DACH1: variants seen among roughly 807,000 people sequenced by gnomAD.
DACH1 encodes the protein dachshund family transcription factor 1, also known as dachshund homolog 1.
DACH1 carries 12 observed loss-of-function variants against 54.2 expected under a neutral mutation model. The observed-to-expected ratio is 0.22, with a 90% CI of 0.14 to 0.36. The LOEUF (loss-of-function observed/expected upper bound fraction) is 0.36. DACH1 is among the 10% of genes least tolerant of loss of function. The probability of loss-of-function intolerance (pLI) is 1.00; values close to 1 mark genes in which losing one functional copy is unlikely to be tolerated. For missense variants in DACH1, 805 were observed against 929.8 expected (o/e 0.87, Z 1.75); for synonymous variants, 386 against 366.2 (o/e 1.05, Z -0.62).
chr13:71,739,426 A>G (rs1884289575), intron 1 of DACH1, among the ~76,000 whole-genome samples: 1 of 152,158 alleles, frequency 6.6e-6, no homozygotes, highest in Non-Finnish European at 1.5e-5. Flanking sequence ...AATTGAAATT[A>G]AAGAGATGAA....
intron 3 of DACH1, among the ~76,000 whole-genome samples, chr13:71,575,055 T>TCAAA (rs1382758926): frequency 6.6e-6 from 1 of 152,038 alleles, no homozygotes; most frequent in African/African-American, 2.4e-5. Flanking sequence ...ATTGCCTTTA[T>TCAAA]CAAAGTACAT....
chr13:71,616,658 C>A (rs1875790076), intron 3 of DACH1, among the ~76,000 whole-genome samples: 1 of 151,926 alleles, frequency 6.6e-6, no homozygotes, highest in South Asian at 2.1e-4. Context: ...ATCATGTGAG[C>A]CCAGGGGTTG....
At chr13:71,818,984 T>C (rs980735452) in intron 1 of DACH1, among the ~76,000 whole-genome samples, 3 of 152,128 alleles carry the variant, frequency 2.0e-5, no homozygotes, top group African/African-American at 7.2e-5. Context: ...TGTTATTAAC[T>C]GGAGAGAGTT....
At chr13:71,680,649 C>T (rs905534324) in intron 2 of DACH1, among the ~76,000 whole-genome samples, 4 of 151,666 alleles carry the variant, frequency 2.6e-5, no homozygotes, top group Non-Finnish European at 5.9e-5. Flanking sequence ...TGAGGCCTTG[C>T]TGAAAAAAAT....
chr13:71,520,781 T>C (rs1881541396), intron 6 of DACH1, among the ~76,000 whole-genome samples: 1 of 151,750 alleles, frequency 6.6e-6, no homozygotes, highest in Non-Finnish European at 1.5e-5. Flanking sequence ...ATCCTTGCAT[T>C]GGAGAAAGAA....
At chr13:71,678,592 G>GCCTC (rs917414575) in intron 2 of DACH1, among the ~76,000 whole-genome samples, 7 of 151,640 alleles carry the variant, frequency 4.6e-5, no homozygotes, top group East Asian at 1.9e-4. Context: ...CTCGCTCCCT[G>GCCTC]CCTCCCTCCC....
intron 3 of DACH1, among the ~76,000 whole-genome samples, chr13:71,602,322 A>C (rs181710799): frequency 3.0e-4 from 46 of 152,208 alleles, no homozygotes; most frequent in African/African-American, 1.1e-3. Flanking sequence ...AATAGAAAAC[A>C]TTGTTAGAAG....
At chr13:71,703,783 G>A (rs565278300) in intron 1 of DACH1, among the ~76,000 whole-genome samples, 1 of 152,290 alleles carries the variant, frequency 6.6e-6, no homozygotes, top group African/African-American at 2.4e-5. Context: ...ACCCTTAGGG[G>A]AGGAAAAGAG....
At chr13:71,647,376 T>C (rs868296954) in intron 2 of DACH1, among the ~76,000 whole-genome samples, 2 of 152,198 alleles carry the variant, frequency 1.3e-5, no homozygotes, top group Non-Finnish European at 2.9e-5. Context: ...ATCAATGATG[T>C]CTAGAACCCA....
At chr13:71,481,970 G>T (rs1363294076) in intron 7 of DACH1, among the ~76,000 whole-genome samples, 2 of 152,182 alleles carry the variant, frequency 1.3e-5, no homozygotes, top group Non-Finnish European at 2.9e-5. Context: ...TGGCAAAAAT[G>T]TGAATGACAA....
At chr13:71,580,016 T>A (rs536515365) in intron 3 of DACH1, among the ~76,000 whole-genome samples, 2 of 152,150 alleles carry the variant, frequency 1.3e-5, no homozygotes, top group Admixed American at 1.3e-4. Flanking sequence ...GTCTTGTAAA[T>A]ACAGACTATA....
At chr13:71,513,340 A>G (rs1254917674) in intron 6 of DACH1, among the ~76,000 whole-genome samples, 3 of 151,964 alleles carry the variant, frequency 2.0e-5, no homozygotes, top group Non-Finnish European at 2.9e-5. Flanking sequence ...AACCAAATTA[A>G]TGAGGTTTGA....
Position 71,595,111 on chromosome 13 carries a change from T to C in DACH1, c.1127-22099A>G, listed in dbSNP as rs139840493. Among the ~76,000 whole-genome samples the C allele has an allele frequency of 5.1e-3, 779 of 152,220 alleles. 8 individuals carry two copies. The highest frequency in any genetic ancestry group is 0.017 in the African/African-American group (717 of 41,548). ...TCGAAGGAGGTGAGAGAACAAAATA[T>C]ATGTACGGATCTCTGGATGAAGAGG... On this transcript the variant is annotated intron_variant, in intron 3 of 10. Coordinates refer to ENST00000613252, the MANE Select transcript of DACH1 (RefSeq NM_080759.6).
rs546191678 is a variant in DACH1 at position 71,811,155 on chromosome 13, T to C, written c.848+54767A>G. On this transcript the variant is annotated intron_variant, in intron 1 of 10. Transcript: ENST00000613252. Reference sequence around the variant, plus strand: ...AAAGGTTCTTATTAATTTATTAATTTTGTCCCAGTGAAATACATCAAAATT... The same window carrying C: ...AAAGGTTCTTATTAATTTATTAATTCTGTCCCAGTGAAATACATCAAAATT... Among the ~76,000 whole-genome samples the C allele has an allele frequency of 1.8e-4, 27 of 152,262 alleles. No individual in the cohort carries two copies. In the East Asian group the frequency reaches 2.7e-3, roughly 15 times the overall value.
intron 1 of DACH1, among the ~76,000 whole-genome samples, chr13:71,750,057 TAC>T (rs1884854324): frequency 6.6e-6 from 1 of 152,190 alleles, no homozygotes; most frequent in African/African-American, 2.4e-5. Context: ...ATAAATATCA[TAC>T]AGAGTTCAAA....
chr13:71,809,317 A>T (rs1351399344), intron 1 of DACH1, among the ~76,000 whole-genome samples: 1 of 152,028 alleles, frequency 6.6e-6, no homozygotes, highest in Admixed American at 6.6e-5. Context: ...GATTACAGGC[A>T]TTGCCACTCC....
chr13:71,847,804 G>T (rs1873386725), intron 1 of DACH1, among the ~76,000 whole-genome samples: 1 of 152,270 alleles, frequency 6.6e-6, no homozygotes, highest in East Asian at 1.9e-4. Context: ...ATAAGGCACT[G>T]CAATCAATCT....
At chr13:71,566,183 T>A (rs1057174395) in intron 4 of DACH1, among the ~76,000 whole-genome samples, 2 of 152,184 alleles carry the variant, frequency 1.3e-5, no homozygotes, top group African/African-American at 4.8e-5. Context: ...ACCACCACTA[T>A]GAGCCTCTCA....
chr13:71,790,846 G>C (rs1886801676), intron 1 of DACH1, among the ~76,000 whole-genome samples: 1 of 152,158 alleles, frequency 6.6e-6, no homozygotes, highest in African/African-American at 2.4e-5. Flanking sequence ...AGGTGTTCTT[G>C]TTTTATTCTA....
Sources: allele counts gnomAD v4.1 joint callset (sites outside exome capture counted in the v4.1 genomes callset), GRCh38; gene constraint gnomAD v4.1.1; transcripts MANE v1.5; gene names NCBI Gene and HGNC (gene_info 2026-07-23, HGNC 2026-07-21).